ZNF69: variants seen among roughly 807,000 people sequenced by gnomAD.
The protein encoded by ZNF69 is zinc finger protein 69, also known as ZNF3.
In ZNF69, 47 loss-of-function variants were observed where a neutral mutation model predicts 50.9. The ratio of observed to expected loss-of-function variants is 0.92; its 90% CI spans 0.73 to 1.18. The LOEUF is 1.18. ZNF69 is among the 50% of genes most tolerant of loss of function. ZNF69 has a pLI of 0.00. For synonymous variants in ZNF69, 216 were observed against 223.1 expected (o/e 0.97, Z 0.29); for missense variants, 717 against 675.1 (o/e 1.06, Z -0.69).
At chr19:11,968,151 TC>T in the ZNF69 span, among the ~76,000 whole-genome samples, 3 of 152,142 alleles carry the variant, frequency 2.0e-5, no homozygotes, top group Non-Finnish European at 2.9e-5. Flanking sequence ...TTTCTCTGGC[TC>T]CCCTAGGCAC....
chr19:11,933,864 AT>A, the ZNF69 span, among the ~76,000 whole-genome samples: 5 of 144,020 alleles, frequency 3.5e-5, no homozygotes, highest in East Asian at 3.9e-4. Flanking sequence ...AAAAAAAAAA[AT>A]TTGTTTTTGT....
chr19:11,910,311 G>GA (rs552380338), downstream of ZNF69, among the ~76,000 whole-genome samples: 7 of 152,194 alleles, frequency 4.6e-5, no homozygotes, highest in East Asian at 5.8e-4. Flanking sequence ...CACAGAATTG[G>GA]AAAAAACTAC....
the ZNF69 span, among the ~76,000 whole-genome samples, chr19:11,973,958 A>G: frequency 7.2e-5 from 11 of 152,220 alleles, no homozygotes; most frequent in African/African-American, 2.6e-4. Context: ...ATAGTGAAGG[A>G]GAGTTCACTG....
At chr19:11,934,916 C>T in the ZNF69 span, among the ~76,000 whole-genome samples, 336 of 147,614 alleles carry the variant, frequency 2.3e-3, 54 homozygotes, top group African/African-American at 8.3e-3. Flanking sequence ...TGCGGTGGCT[C>T]ACGCCTGTAA....
chr19:11,969,780 T>C, the ZNF69 span, among the ~76,000 whole-genome samples: 4 of 152,330 alleles, frequency 2.6e-5, no homozygotes, highest in Middle Eastern at 3.4e-3. Flanking sequence ...GAATAACCAC[T>C]AGACATTTGC....
intron 3 of ZNF69, 111 bp downstream of exon 3, chr19:11,904,076 T>G (rs1449990329): frequency 1.9e-5 from 26 of 1,353,644 alleles, no homozygotes; most frequent in Non-Finnish European, 2.3e-5. Context: ...CATTTATTTT[T>G]AGAATATTTG....
chr19:11,979,862 A>G, the ZNF69 span: 2 of 1,495,438 alleles, frequency 1.3e-6, no homozygotes, highest in Non-Finnish European at 9.3e-7. Context: ...AAGGACACAA[A>G]CACACGTAAG....
the ZNF69 span, among the ~76,000 whole-genome samples, chr19:11,973,552 G>A: frequency 6.6e-6 from 1 of 151,870 alleles, no homozygotes; most frequent in African/African-American, 2.4e-5. Flanking sequence ...CATTCTATGG[G>A]TGTTACCATA....
At position 11,906,640 on chromosome 19, in the gene ZNF69, CAGAA is replaced by C. The variant is rs926233213; in HGVS notation, c.*545_*548del. Among the ~76,000 whole-genome samples, 8 of 152,140 alleles carry C rather than the reference CAGAA, an allele frequency of 5.3e-5. No homozygotes were observed. Among genetic ancestry groups the C allele is most frequent in the African/African-American group, 1.7e-4 (7 of 41,422 alleles). On this transcript the variant is annotated 3_prime_UTR_variant, in exon 4 of 4. Coordinates refer to ENST00000429654, the MANE Select transcript of ZNF69 (RefSeq NM_001364730.1). The stretch of plus-strand genomic sequence containing the variant: ...GACTGTTAGAAGGAAAACTAACAAA[CAGAA>C]AGGACAACCACACCAAAACCCATCT...
At position 11,906,352 on chromosome 19, in the gene ZNF69, A is replaced by G; in HGVS notation, c.*254A>G. On this transcript the variant is annotated 3_prime_UTR_variant, in exon 4 of 4. Coordinates refer to ENST00000429654, the MANE Select transcript of ZNF69 (RefSeq NM_001364730.1). ...CAGTCCTCCCAGCATGGAGTTTGAG[A>G]TCTAAGAATGGACAGTCTGCCTCCT... is the stretch of plus-strand genomic sequence containing the variant. 9.8e-7 allele frequency: 1 copy of G among 1,023,024 alleles called. No individual in the cohort carries two copies. The highest frequency in any genetic ancestry group is 1.3e-6 in the Non-Finnish European group (1 of 790,078). 63.4% of individuals were successfully genotyped at this position (1,023,024 alleles called of 1,614,324 possible).
the ZNF69 span, among the ~76,000 whole-genome samples, chr19:11,976,073 T>A: frequency 2.1e-5 from 3 of 145,876 alleles, no homozygotes; most frequent in African/African-American, 7.7e-5. Flanking sequence ...CATGCCGGAT[T>A]TGGGTGGTCC....
chr19:11,979,003 G>C, the ZNF69 span: 3 of 1,614,100 alleles, frequency 1.9e-6, no homozygotes, highest in Admixed American at 1.7e-5. Flanking sequence ...AGACATGAAA[G>C]GACCCACTCT....
At chr19:11,926,549 C>CGG in the ZNF69 span, 1 of 153,076 alleles carries the variant, frequency 6.5e-6, no homozygotes, top group Non-Finnish European at 1.5e-5. Context: ...CCACTATGCC[C>CGG]TCCTAATTTT....
chr19:11,938,912 G>A, the ZNF69 span, among the ~76,000 whole-genome samples: 9 of 152,176 alleles, frequency 5.9e-5, no homozygotes, highest in African/African-American at 2.2e-4. Flanking sequence ...TTTAATGATT[G>A]CCATTCTAAC....
the ZNF69 span, among the ~76,000 whole-genome samples, chr19:11,963,651 AGCCACAGGCCCACACCAGCT>A: frequency 6.6e-6 from 1 of 152,118 alleles, no homozygotes; most frequent in Non-Finnish European, 1.5e-5. Flanking sequence ...TAGTTATGAT[AGCCACAGGCCCACACCAGCT>A]GCCACAGCAC....
intron 1 of ZNF69, among the ~76,000 whole-genome samples, chr19:11,889,066 T>C (rs964038744): frequency 1.3e-5 from 2 of 152,000 alleles, no homozygotes; most frequent in African/African-American, 4.8e-5. Context: ...TGGCAGCTGG[T>C]TGAGAGTGTG....
At chr19:11,936,553 A>G in the ZNF69 span, among the ~76,000 whole-genome samples, 2 of 151,882 alleles carry the variant, frequency 1.3e-5, no homozygotes, top group African/African-American at 4.8e-5. Flanking sequence ...TTTTCTTGTA[A>G]GTTTGTTTGA....
At chr19:11,975,263 G>A in the ZNF69 span, among the ~76,000 whole-genome samples, 2 of 151,682 alleles carry the variant, frequency 1.3e-5, no homozygotes, top group Middle Eastern at 3.4e-3. Flanking sequence ...TAAAGATGGG[G>A]TTTCTCCATG....
At chr19:11,978,497 G>A in the ZNF69 span, 1 of 1,614,208 alleles carries the variant, frequency 6.2e-7, no homozygotes, top group Non-Finnish European at 8.5e-7. Context: ...GAAGACGCAT[G>A]GTAATGCACA....
Sources: gnomAD v4.1 joint callset for allele counts (sites outside exome capture counted in the v4.1 genomes callset) on GRCh38, gnomAD v4.1.1 for gene constraint, MANE v1.5 for transcripts, NCBI Gene and HGNC (gene_info 2026-07-23, HGNC 2026-07-21) for gene names.